Variants in SULF2 observed in about 807,000 individuals in gnomAD.
SULF2 encodes sulfatase 2, also known as extracellular sulfatase Sulf-2.
In SULF2, 52 loss-of-function variants were observed where a neutral mutation model predicts 107.7. The ratio of observed to expected loss-of-function variants is 0.48; its 90% CI spans 0.39 to 0.61. The LOEUF is 0.61. Among genes scored for constraint, SULF2 ranks in the 20% least tolerant of loss-of-function variants. SULF2 has a pLI of 0.00. For synonymous variants in SULF2, 460 were observed against 464.3 expected (o/e 0.99, Z 0.12); for missense variants, 993 against 1,177.3 (o/e 0.84, Z 2.29).
chr20:47,745,046 T>A (rs1031203493), intron 2 of SULF2, among the ~76,000 whole-genome samples: 16 of 152,014 alleles, frequency 1.1e-4, no homozygotes, highest in Non-Finnish European at 1.2e-4. Context: ...GAGCACTGAA[T>A]TGAGAGGCCA....
intron 3 of SULF2, among the ~76,000 whole-genome samples, chr20:47,709,727 GCCATCTTGCCA>G (rs1298714370): frequency 6.6e-6 from 1 of 151,922 alleles, no homozygotes; most frequent in Admixed American, 6.6e-5. Flanking sequence ...GCTGCTGGCA[GCCATCTTGCCA>G]CCAAGAGGGA....
chr20:47,665,359 T>C (rs922723413), intron 13 of SULF2, 66 bp from the exon 14 acceptor site: 10 of 1,067,008 alleles, frequency 9.4e-6, no homozygotes, highest in African/African-American at 4.7e-5. Context: ...CTTGGCCTGG[T>C]GACTGCCCCC....
intron 2 of SULF2, among the ~76,000 whole-genome samples, chr20:47,753,449 G>A (rs761701505): frequency 2.0e-4 from 31 of 152,314 alleles, no homozygotes; most frequent in Middle Eastern, 6.8e-3. Context: ...CTTTAATGCC[G>A]CTTCTGAAAC....
chr20:47,756,733 T>C (rs913878662), intron 2 of SULF2, among the ~76,000 whole-genome samples: 2 of 150,678 alleles, frequency 1.3e-5, no homozygotes, highest in Non-Finnish European at 2.9e-5. Flanking sequence ...GCAACCTCCT[T>C]CTCCTGGATT....
At chr20:47,721,549 T>A (rs1384736905) in intron 3 of SULF2, among the ~76,000 whole-genome samples, 1 of 152,134 alleles carries the variant, frequency 6.6e-6, no homozygotes, top group East Asian at 1.9e-4. Context: ...TGTATTTTTT[T>A]AGTAGAGACG....
At chr20:47,697,261 T>C (rs2088410681) in intron 4 of SULF2, among the ~76,000 whole-genome samples, 1 of 152,230 alleles carries the variant, frequency 6.6e-6, no homozygotes, top group African/African-American at 2.4e-5. Context: ...TCATCACCAC[T>C]GCCTCTCTTT....
At chr20:47,782,855 G>C (rs1309484802) in intron 1 of SULF2, among the ~76,000 whole-genome samples, 2 of 152,100 alleles carry the variant, frequency 1.3e-5, no homozygotes, top group South Asian at 2.1e-4. Flanking sequence ...GAAAGTTAAG[G>C]GCCTTTTACT....
chr20:47,687,138 C>T (rs1221906250), intron 5 of SULF2, among the ~76,000 whole-genome samples: 1 of 152,322 alleles, frequency 6.6e-6, no homozygotes. Flanking sequence ...AGGCTGACAT[C>T]GGCCCTCGAG....
At chr20:47,751,515 G>T (rs1049488184) in intron 2 of SULF2, among the ~76,000 whole-genome samples, 3 of 152,228 alleles carry the variant, frequency 2.0e-5, no homozygotes. Flanking sequence ...GGGATGGCTT[G>T]CACCTGTATG....
rs1174654414 is a variant in SULF2 at position 47,694,055 on chromosome 20, G to A, written c.568-3760C>T. Reference sequence around the variant, plus strand: ...GCCACTCCTCGGCTAAGTCTTCCCCGATCTCTGCTAGCTCCGCAATGCCAC... The same window carrying A: ...GCCACTCCTCGGCTAAGTCTTCCCCAATCTCTGCTAGCTCCGCAATGCCAC... On this transcript the variant is annotated intron_variant, in intron 4 of 20. Coordinates refer to ENST00000688720, the MANE Select transcript of SULF2 (RefSeq NM_001387048.1). This position sits in a 1 kb window ranked among gnomAD's most constrained non-coding sequence, Gnocchi z 4.4. Among the ~76,000 whole-genome samples, 4 of 152,134 alleles carry A rather than the reference G, an allele frequency of 2.6e-5. No individual in the cohort carries two copies. In the South Asian group the frequency reaches 8.3e-4, roughly 32 times the overall value.
intron 3 of SULF2, among the ~76,000 whole-genome samples, chr20:47,735,752 G>A (rs2089713275): frequency 6.6e-6 from 1 of 152,154 alleles, no homozygotes; most frequent in South Asian, 2.1e-4. Flanking sequence ...CACCTTACTG[G>A]CTTGCTCCCC....
chr20:47,678,533 G>T lies in SULF2; in HGVS notation c.1193+143C>A. 32 of 786,448 alleles carry T rather than the reference G, an allele frequency of 4.1e-5. No homozygotes were observed. The highest frequency in any genetic ancestry group is 5.4e-5 in the Non-Finnish European group (28 of 515,920). The allele number at this position is 786,448 out of a possible 1,614,324, so 48.7% of individuals were successfully genotyped here. A position where few individuals can be genotyped will look rare whatever the true frequency, so the allele number is the denominator to read the frequency against. On this transcript the variant is annotated intron_variant, in intron 8 of 20. Coordinates refer to ENST00000688720, the MANE Select transcript of SULF2 (RefSeq NM_001387048.1). The surrounding 1 kb of genome is among the most constrained non-coding windows in gnomAD (Gnocchi z 4.5). ...GGGACCATGCTTCTCTCCCACAGCA[G>T]GTAAGTGGTTGGCATGGCGGGACCT...
rs61730618 is a variant in SULF2, at chr20:47,757,211, C to T, written c.153G>A (p.Thr51=). ...TACCCAGCTCCACATCCTGGTCGTC[C>T]GTCAGCACCAGGATGATGTTGGGGC... ...NIRPNIILVL[T]DDQDVELGSM... is the part of the protein sequence containing the mutation. Residue 51 remains threonine, a synonymous_variant, in exon 2 of 21, where the codon ACG becomes ACA. Transcript: ENST00000688720. 0.03 allele frequency: 46,064 copies of T among 1,559,166 alleles called. 834 individuals are homozygous for T. The highest frequency in any genetic ancestry group is 0.034 in the Non-Finnish European group (38,782 of 1,150,472).
At chr20:47,689,020 T>G (rs1220899609) in intron 5 of SULF2, among the ~76,000 whole-genome samples, 1 of 151,976 alleles carries the variant, frequency 6.6e-6, no homozygotes, top group Non-Finnish European at 1.5e-5. Flanking sequence ...TTCCAGGAAG[T>G]TTCCCAGCCA....
At position 47,663,602 on chromosome 20, in the gene SULF2, T is replaced by C; in HGVS notation, c.2078A>G (p.Asp693Gly). The C allele has an allele frequency of 6.3e-7, 1 of 1,599,110 alleles. No homozygotes were observed. Among genetic ancestry groups the C allele is most frequent in the Non-Finnish European group, 8.5e-7 (1 of 1,172,162 alleles). The change falls in exon 16 of 21, where the codon GAC (aspartate) becomes GGC (glycine). Residue 693 changes from aspartate (D) to glycine (G), a missense_variant. This residue lies in a region of SULF2 where 497 missense variants were observed against 544.1 expected (regional missense o/e 0.91). Coordinates refer to ENST00000688720, the MANE Select transcript of SULF2 (RefSeq NM_001387048.1). Reference protein sequence around the residue: ...HPFRKGLQEKDKVWLLREQKR... With the variant: ...HPFRKGLQEKGKVWLLREQKR... The stretch of plus-strand genomic sequence containing the variant: ...CTGCTCCCGCAACAGCCACACCTTG[T>C]CCTTCTCTTGCAGGCCCTTCCTATG...
At chr20:47,707,282 T>C (rs4549165) in intron 3 of SULF2, among the ~76,000 whole-genome samples, 139,718 of 152,244 alleles carry the variant, frequency 0.92, 64,276 homozygotes, top group African/African-American at 0.98. Context: ...AGCCACCCTG[T>C]CCGGCAGTTT....
intron 3 of SULF2, among the ~76,000 whole-genome samples, chr20:47,730,972 G>T (rs933421336): frequency 6.6e-6 from 1 of 152,004 alleles, no homozygotes; most frequent in Admixed American, 6.6e-5. Context: ...TTGGCTCAGG[G>T]GCTGGCATGT....
At chr20:47,664,038 C>T in intron 15 of SULF2, 92 bp downstream of exon 15, 1 of 1,393,242 alleles carries the variant, frequency 7.2e-7, no homozygotes, top group Non-Finnish European at 1.0e-6. Flanking sequence ...GCCTGGACTT[C>T]TTTCCTTTTC....
Position 47,768,059 on chromosome 20 carries a change from G to A in SULF2, c.-100-10596C>T, listed in dbSNP as rs1026562414. Among the ~76,000 whole-genome samples, 3 of 152,154 alleles carry A rather than the reference G, an allele frequency of 2.0e-5. No homozygotes were observed. The South Asian group carries it at 6.2e-4, about 32-fold the overall frequency. On this transcript the variant is annotated intron_variant, in intron 1 of 20. Coordinates refer to ENST00000688720, the MANE Select transcript of SULF2 (RefSeq NM_001387048.1). The stretch of plus-strand genomic sequence containing the variant: ...CCTCCCCACCCCTTGCCTCAGTGAC[G>A]GGCCAGAGTAATCCAGGCCCTTTGG...
Sources: allele counts gnomAD v4.1 joint callset (sites outside exome capture counted in the v4.1 genomes callset), GRCh38; gene constraint gnomAD v4.1.1; regional missense constraint gnomAD v4.1.1; non-coding constraint Gnocchi (gnomAD v3.1); transcripts MANE v1.5; gene names NCBI Gene and HGNC (gene_info 2026-07-23, HGNC 2026-07-21).